Variants in CELF2 observed in about 807,000 individuals in gnomAD.
The protein encoded by CELF2 is CUG triplet repeat RNA-binding protein 2.
A neutral mutation model predicts 62.6 loss-of-function variants in CELF2; 8 were observed. The observed-to-expected ratio is 0.13, with a 90% CI of 0.07 to 0.23. The LOEUF is 0.23. Ranked by LOEUF, CELF2 falls within the 10% of genes least tolerant of loss-of-function variation. CELF2 has a pLI of 1.00. For synonymous variants in CELF2, 258 were observed against 250.0 expected, an observed-to-expected ratio of 1.03 and a Z score of -0.30; for missense variants, 333 against 671.0, an observed-to-expected ratio of 0.50 and a Z score of 5.56.
At chr10:10,494,243 G>A in the CELF2 span, among the ~76,000 whole-genome samples, 7 of 152,198 alleles carry the variant, frequency 4.6e-5, no homozygotes, top group Non-Finnish European at 4.4e-5. Flanking sequence ...GGATGAAAAG[G>A]TAGCAGCCTC....
intron 1 of CELF2, among the ~76,000 whole-genome samples, chr10:11,104,459 G>A (rs1350516575): frequency 6.6e-6 from 1 of 152,176 alleles, no homozygotes; most frequent in Admixed American, 6.5e-5. Flanking sequence ...GGAAGGCCAA[G>A]GCAGGAGAAT....
At chr10:10,825,761 A>T (rs948884010) in intron 1 of CELF2, among the ~76,000 whole-genome samples, 2 of 152,094 alleles carry the variant, frequency 1.3e-5, no homozygotes, top group Non-Finnish European at 2.9e-5. Context: ...TGCCTAGAGG[A>T]CTCTGAGTAA....
At chr10:10,469,594 C>T in the CELF2 span, among the ~76,000 whole-genome samples, 1 of 151,824 alleles carries the variant, frequency 6.6e-6, no homozygotes, top group Admixed American at 6.6e-5. Context: ...ATGAAAGATA[C>T]CAGTTGTCAC....
At chr10:10,838,766 AAG>A (rs1187039749) in intron 1 of CELF2, among the ~76,000 whole-genome samples, 1 of 152,178 alleles carries the variant, frequency 6.6e-6, no homozygotes, top group East Asian at 1.9e-4. Context: ...GCTCAAAAAC[AAG>A]ATATTTTATG....
intron 1 of CELF2, among the ~76,000 whole-genome samples, chr10:10,848,996 C>G (rs2059200212): frequency 6.6e-6 from 1 of 152,140 alleles, no homozygotes; most frequent in South Asian, 2.1e-4. Flanking sequence ...CTGGACTCCC[C>G]CGTCCTTCTT....
chr10:10,841,437 G>A (rs537899644), intron 1 of CELF2, among the ~76,000 whole-genome samples: 1 of 151,600 alleles, frequency 6.6e-6, no homozygotes, highest in South Asian at 2.1e-4. Flanking sequence ...TTAATTTTAT[G>A]GAAGGTGTAG....
the CELF2 span, among the ~76,000 whole-genome samples, chr10:10,506,039 G>A: frequency 2.0e-4 from 31 of 151,770 alleles, no homozygotes; most frequent in African/African-American, 7.0e-4. Flanking sequence ...GGAAAAGTGT[G>A]TCTACTCCAT....
intron 9 of CELF2, among the ~76,000 whole-genome samples, chr10:11,299,352 G>C (rs1264211029): frequency 6.6e-6 from 1 of 152,226 alleles, no homozygotes; most frequent in Admixed American, 6.5e-5. Flanking sequence ...ACGTCCCTGG[G>C]CTGCGCCAGG....
intron 1 of CELF2, among the ~76,000 whole-genome samples, chr10:11,068,571 T>A (rs986850910): frequency 2.1e-4 from 32 of 152,094 alleles, no homozygotes; most frequent in Non-Finnish European, 1.9e-4. Flanking sequence ...ATTTCTGTTT[T>A]TTTTTTTGAG....
intron 5 of CELF2, among the ~76,000 whole-genome samples, chr10:11,265,006 A>T (rs978896490): frequency 6.6e-6 from 1 of 152,198 alleles, no homozygotes; most frequent in Non-Finnish European, 1.5e-5. Flanking sequence ...AAATGCATTG[A>T]CTTATTTTCA....
intron 2 of CELF2, among the ~76,000 whole-genome samples, chr10:10,988,488 A>G (rs780614229): frequency 2.0e-5 from 3 of 152,092 alleles, no homozygotes; most frequent in Non-Finnish European, 4.4e-5. Flanking sequence ...CATAAGAATG[A>G]TATAATGGAC....
rs2062084150 is a variant in CELF2 at position 11,145,406 on chromosome 10, G to GGT, written c.75-20079_75-20078dup. ...TGTGCTGACCAAGCAAATAATAGCA[G>GGT]GTTGTATGCAGGACTCCCACGTTTG... On this transcript the variant is annotated intron_variant, in intron 1 of 12. Transcript: ENST00000633077. This position sits in a 1 kb window ranked among gnomAD's most constrained non-coding sequence, Gnocchi z 4.3. Among the ~76,000 whole-genome samples, 1 of 152,210 alleles carries GGT rather than the reference G, an allele frequency of 6.6e-6. No individual in the cohort carries two copies. The highest frequency in any genetic ancestry group is 1.5e-5 in the Non-Finnish European group (1 of 68,038).
intron 1 of CELF2, among the ~76,000 whole-genome samples, chr10:11,127,993 C>A (rs1403878081): frequency 6.6e-6 from 1 of 152,148 alleles, no homozygotes; most frequent in Non-Finnish European, 1.5e-5. Flanking sequence ...GGGTTTTCTT[C>A]TAGGGTTTTT....
the CELF2 span, among the ~76,000 whole-genome samples, chr10:10,560,928 A>G: frequency 9.9e-5 from 15 of 152,178 alleles, no homozygotes; most frequent in African/African-American, 3.4e-4. Flanking sequence ...GGAAAACTAA[A>G]CATCGTATGT....
rs1177251573 is a variant in CELF2, at chr10:11,331,184, T to G, written c.*2131T>G. The stretch of plus-strand genomic sequence containing the variant: ...GTACAGGAGAAAGGTTACTGTAAAC[T>G]GTGTTATGTTGGTGCTTCTGTGAAT... On this transcript the variant is annotated 3_prime_UTR_variant, in exon 13 of 13. Coordinates refer to ENST00000633077, the MANE Select transcript of CELF2 (RefSeq NM_001326342.2). 1 of 152,432 alleles carries G rather than the reference T, an allele frequency of 6.6e-6. No individual in the cohort carries two copies. The highest frequency in any genetic ancestry group is 1.5e-5 in the Non-Finnish European group (1 of 68,008). 9.4% of individuals were successfully genotyped at this position (152,432 alleles called of 1,614,324 possible).
chr10:11,033,418 C>T (rs1029044142), intron 1 of CELF2, among the ~76,000 whole-genome samples: 13 of 152,082 alleles, frequency 8.5e-5, no homozygotes, highest in South Asian at 2.1e-4. Flanking sequence ...CCACCACACC[C>T]GGCTAATTTT....
chr10:11,166,199 A>G (rs927099049), intron 2 of CELF2, among the ~76,000 whole-genome samples: 3 of 152,226 alleles, frequency 2.0e-5, no homozygotes, highest in Non-Finnish European at 4.4e-5. Context: ...AGGGACACCC[A>G]TTCCTGGGGG....
At chr10:10,486,650 G>T in the CELF2 span, among the ~76,000 whole-genome samples, 1 of 151,972 alleles carries the variant, frequency 6.6e-6, no homozygotes, top group East Asian at 1.9e-4. Flanking sequence ...AAGCTCCAAT[G>T]GGCATTTCCT....
intron 1 of CELF2, among the ~76,000 whole-genome samples, chr10:10,897,576 C>A (rs567475919): frequency 1.3e-5 from 2 of 152,228 alleles, no homozygotes; most frequent in South Asian, 2.1e-4. Flanking sequence ...TGTGGCTGGA[C>A]AAACCTTTGC....
Sources: allele counts gnomAD v4.1 joint callset (sites outside exome capture counted in the v4.1 genomes callset), GRCh38; gene constraint gnomAD v4.1.1; non-coding constraint Gnocchi (gnomAD v3.1); transcripts MANE v1.5; gene names NCBI Gene and HGNC (gene_info 2026-07-23, HGNC 2026-07-21).